Variants in SUMO2 observed in about 807,000 individuals in gnomAD.
SUMO2 encodes the protein small ubiquitin-related modifier 2.
Under a neutral mutation model 16.0 loss-of-function variants are expected in SUMO2, and 1 was observed. That is an observed-to-expected ratio of 0.06 (90% CI 0.02 to 0.30). The LOEUF (loss-of-function observed/expected upper bound fraction) is 0.30. Ranked by LOEUF, SUMO2 falls within the 10% of genes least tolerant of loss-of-function variation. The pLI, the probability that SUMO2 is intolerant of heterozygous loss-of-function variation, is 1.00. For missense variants in SUMO2, 16 were observed against 117.5 expected, an observed-to-expected ratio of 0.14 and a Z score of 3.99; for synonymous variants, 36 against 40.6, an observed-to-expected ratio of 0.89 and a Z score of 0.43.
rs58684188 is a variant in SUMO2 at position 75,180,392 on chromosome 17, TAAAAAAAAAAA to T, written c.153+654_153+664del. Among the ~76,000 whole-genome samples, 269 of 44,876 alleles carry T rather than the reference TAAAAAAAAAAA, an allele frequency of 6.0e-3. 6 individuals carry two copies. The highest frequency in any genetic ancestry group is 0.02 in the African/African-American group (243 of 12,224). 29.4% of individuals were successfully genotyped at this position (44,876 alleles called of 152,430 possible). ...AAGAAATAGAGTGAGACTCCCAGCT[TAAAAAAAAAAA>T]AAAAAAAAAAAAAAAAAACGACTTC... On this transcript the variant is annotated intron_variant, in intron 2 of 3. Transcript: ENST00000420826.
chr17:75,176,193 C>T lies in SUMO2; in HGVS notation c.154-1370G>A, dbSNP rs1284613266. Among the ~76,000 whole-genome samples, 3 of 152,038 alleles carry T rather than the reference C, an allele frequency of 2.0e-5. No individual in the cohort carries two copies. The East Asian group carries it at 5.8e-4, about 29-fold the overall frequency. ...TAGCTGGGACTACAGGCTCATGCCA[C>T]CATGCTGGGCTAATTTTTTGTATTT... On this transcript the variant is annotated intron_variant, in intron 2 of 3. Coordinates refer to ENST00000420826, the MANE Select transcript of SUMO2 (RefSeq NM_006937.4).
At chr17:75,182,049 G>C (rs2074833234) in intron 1 of SUMO2, among the ~76,000 whole-genome samples, 1 of 152,080 alleles carries the variant, frequency 6.6e-6, no homozygotes, top group Non-Finnish European at 1.5e-5. Flanking sequence ...GTCCTCCCGG[G>C]AAGTCTCCGG....
At chr17:75,177,249 C>A (rs186623851) in intron 2 of SUMO2, among the ~76,000 whole-genome samples, 1 of 151,848 alleles carries the variant, frequency 6.6e-6, no homozygotes, top group Admixed American at 6.6e-5. Context: ...GCGCTGTAAT[C>A]CCAGTTATTC....
At chr17:75,174,915 A>T in intron 2 of SUMO2, 92 bp from the exon 3 acceptor site, 1 of 1,085,214 alleles carries the variant, frequency 9.2e-7, no homozygotes, top group Non-Finnish European at 1.3e-6. Flanking sequence ...TGAATATATT[A>T]AAGAAATACC....
In SUMO2 at chr17:75,166,500, A is replaced by T. The variant is rs1343081339; in HGVS notation, c.*1839T>A. 1.3e-5 allele frequency: 2 copies of T among 152,120 alleles called. No individual in the cohort carries two copies. Among genetic ancestry groups the T allele is most frequent in the Non-Finnish European group, 2.9e-5 (2 of 68,080 alleles). The allele number at this position is 152,120 out of a possible 1,614,324, so 9.4% of individuals were successfully genotyped here. On this transcript the variant is annotated 3_prime_UTR_variant, in exon 4 of 4. Transcript: ENST00000420826. ...CAAAAATAAACATTTTTAAAAAATT[A>T]AAAAGGGGCTGGGCATAGTGGCTCA...
At position 75,181,239 on chromosome 17, in the gene SUMO2, C is replaced by T. The variant is rs571545065; in HGVS notation, c.22-51G>A. ...ATTTGGGAAATGTGATCAACGAACA[C>T]GTTTTATAAAGCAGCAGCAGCCCTA... On this transcript the variant is annotated intron_variant, in intron 1 of 3. Transcript: ENST00000420826. The T allele has an allele frequency of 1.4e-4, 219 of 1,594,754 alleles. 3 individuals are homozygous for T. In the South Asian group the frequency reaches 2.3e-3, roughly 17 times the overall value.
chr17:75,179,344 T>C lies in SUMO2; in HGVS notation c.153+1713A>G, dbSNP rs146228129. On this transcript the variant is annotated intron_variant, in intron 2 of 3. Transcript: ENST00000420826. ...AGGAGCTCAAGACCAGTCTGACCAA[T>C]ATGGTGAAACCCCATCTTGCTGACA... 3.8e-4 allele frequency among the ~76,000 whole-genome samples: 58 copies of C among 152,170 alleles called. No homozygotes were observed. The East Asian group carries it at 8.5e-3, about 22-fold the overall frequency.
chr17:75,179,663 T>G (rs558393171), intron 2 of SUMO2, among the ~76,000 whole-genome samples: 2 of 152,134 alleles, frequency 1.3e-5, no homozygotes, highest in South Asian at 2.1e-4. Context: ...TCTAAAGTTT[T>G]TTTTTTTTTT....
intron 3 of SUMO2, among the ~76,000 whole-genome samples, chr17:75,171,622 G>A (rs572301952): frequency 2.6e-5 from 4 of 152,130 alleles, no homozygotes; most frequent in South Asian, 2.1e-4. Flanking sequence ...ATTCTAAAAC[G>A]AATCAATTCC....
intron 2 of SUMO2, among the ~76,000 whole-genome samples, chr17:75,180,747 A>AATC (rs2074822877): frequency 6.6e-6 from 1 of 152,132 alleles, no homozygotes; most frequent in Non-Finnish European, 1.5e-5. Flanking sequence ...ACTTATAAGT[A>AATC]ATTTTACCAA....
At position 75,182,852 on chromosome 17, in the gene SUMO2, C is replaced by T; in HGVS notation, c.-18G>A. The T allele has an allele frequency of 7.1e-7, 1 of 1,402,414 alleles. No homozygotes were observed. Among genetic ancestry groups the T allele is most frequent in the Non-Finnish European group, 9.3e-7 (1 of 1,070,618 alleles). The allele number at this position is 1,402,414 out of a possible 1,614,324, so 86.9% of individuals were successfully genotyped here. A position where few individuals can be genotyped will look rare whatever the true frequency, so the allele number is the denominator to read the frequency against. On this transcript the variant is annotated 5_prime_UTR_variant, in exon 1 of 4. Transcript: ENST00000420826. ...TCGGCCATGGCGAGCGCCGGAGTCT[C>T]CTCAGCTGCCGCTTCACAAAAGAGG...
At position 75,180,989 on chromosome 17, in the gene SUMO2, T is replaced by C. The variant is rs540560398; in HGVS notation, c.153+68A>G. On this transcript the variant is annotated intron_variant, in intron 2 of 3. Transcript: ENST00000420826. ...CACTGTAATGTGCTAGTCTAGTTTT[T>C]GTTCCCATGAAAATAAGATTTTTAA... is the stretch of plus-strand genomic sequence containing the variant. 9 of 1,587,196 alleles carry C rather than the reference T, an allele frequency of 5.7e-6. No individual in the cohort carries two copies. The East Asian group carries it at 2.0e-4, about 36-fold the overall frequency.
intron 3 of SUMO2, among the ~76,000 whole-genome samples, chr17:75,173,477 A>C (rs899324): frequency 1.3e-5 from 2 of 148,710 alleles, no homozygotes; most frequent in South Asian, 2.1e-4. Flanking sequence ...ACTGGAAGTC[A>C]TTTTTTTTTT....
chr17:75,171,307 C>T (rs953121045), intron 3 of SUMO2, among the ~76,000 whole-genome samples: 1 of 150,942 alleles, frequency 6.6e-6, no homozygotes, highest in East Asian at 1.9e-4. Flanking sequence ...TTTGTACTGA[C>T]TCCGTCAATA....
intron 1 of SUMO2, among the ~76,000 whole-genome samples, chr17:75,182,079 C>G (rs1304718692): frequency 6.6e-6 from 1 of 152,138 alleles, no homozygotes; most frequent in Admixed American, 6.6e-5. Context: ...AAGCCGCGTT[C>G]AAAAGTTAAG....
intron 3 of SUMO2, among the ~76,000 whole-genome samples, chr17:75,171,528 TA>T (rs926460842): frequency 3.3e-5 from 5 of 150,810 alleles, no homozygotes; most frequent in African/African-American, 1.2e-4. Flanking sequence ...AATAAAAAAA[TA>T]AAAAAAAGCT....
intron 3 of SUMO2, among the ~76,000 whole-genome samples, chr17:75,169,866 T>G (rs144406006): frequency 0.065 from 4,107 of 63,360 alleles, no homozygotes; most frequent in Non-Finnish European, 0.072. Context: ...AAAAAAAAGG[T>G]GGGGGGGGGC....
At chr17:75,177,088 G>A (rs957640675) in intron 2 of SUMO2, among the ~76,000 whole-genome samples, 6 of 151,688 alleles carry the variant, frequency 4.0e-5, no homozygotes, top group African/African-American at 1.5e-4. Context: ...GCCGGAGGTT[G>A]AGGGGGGAAA....
chr17:75,169,823 C>T (rs1598221054), intron 3 of SUMO2, among the ~76,000 whole-genome samples: 2 of 128,652 alleles, frequency 1.6e-5, no homozygotes, highest in Admixed American at 8.9e-5. Context: ...GACTCCAACA[C>T]CGGTGACAGA....
Sources: allele counts gnomAD v4.1 joint callset (sites outside exome capture counted in the v4.1 genomes callset), GRCh38; gene constraint gnomAD v4.1.1; transcripts MANE v1.5; gene names NCBI Gene and HGNC (gene_info 2026-07-23, HGNC 2026-07-21).